Variants in RHOU observed in about 807,000 individuals in gnomAD.
RHOU encodes ras homolog family member U, also known as rho-related GTP-binding protein RhoU.
RHOU carries 8 observed loss-of-function variants against 12.6 expected under a neutral mutation model. The ratio of observed to expected loss-of-function variants is 0.64; its 90% CI spans 0.37 to 1.15. The LOEUF (loss-of-function observed/expected upper bound fraction) is 1.15, where lower values mean the gene tolerates loss of function less well. Among genes scored for constraint, RHOU ranks in the 50% most tolerant of loss-of-function variants. The pLI, the probability that RHOU is intolerant of heterozygous loss-of-function variation, is 0.01. For synonymous variants in RHOU, 161 were observed against 147.4 expected (o/e 1.09, Z -0.67); for missense variants, 258 against 347.0 (o/e 0.74, Z 2.04).
At chr1:228,660,526 A>T in the RHOU span, among the ~76,000 whole-genome samples, 1 of 151,784 alleles carries the variant, frequency 6.6e-6, no homozygotes, top group Non-Finnish European at 1.5e-5. Context: ...ACAAGAAAAA[A>T]CTGTAGAATA....
the RHOU span, among the ~76,000 whole-genome samples, chr1:228,719,727 C>T: frequency 6.6e-6 from 1 of 152,026 alleles, no homozygotes; most frequent in Non-Finnish European, 1.5e-5. Flanking sequence ...ATGACTCTGT[C>T]TTAAAACAAA....
the RHOU span, among the ~76,000 whole-genome samples, chr1:228,703,664 A>C: frequency 2.0e-5 from 3 of 152,212 alleles, no homozygotes; most frequent in African/African-American, 7.2e-5. Flanking sequence ...GATGGAGCTC[A>C]TTAAGAAACA....
the RHOU span, among the ~76,000 whole-genome samples, chr1:228,717,638 C>T: frequency 1.3e-5 from 2 of 152,178 alleles, no homozygotes; most frequent in East Asian, 1.9e-4. Flanking sequence ...TGAGTTATGC[C>T]GGAGGCATGC....
chr1:228,706,780 A>G, the RHOU span, among the ~76,000 whole-genome samples: 1 of 152,130 alleles, frequency 6.6e-6, no homozygotes, highest in East Asian at 1.9e-4. Context: ...AATAATTTGT[A>G]TATGTTAGCA....
At chr1:228,722,312 AG>A in the RHOU span, among the ~76,000 whole-genome samples, 2 of 152,184 alleles carry the variant, frequency 1.3e-5, no homozygotes, top group African/African-American at 2.4e-5. Context: ...TCCTTTAACA[AG>A]GGAGTCCTCA....
chr1:228,647,487 T>A, the RHOU span, among the ~76,000 whole-genome samples: 2 of 152,190 alleles, frequency 1.3e-5, no homozygotes, highest in African/African-American at 4.8e-5. Flanking sequence ...GGCGAAGCAA[T>A]GTCCTTCCTC....
At chr1:228,649,234 A>G in the RHOU span, among the ~76,000 whole-genome samples, 1 of 151,966 alleles carries the variant, frequency 6.6e-6, no homozygotes, top group Non-Finnish European at 1.5e-5. Context: ...ACATTCCTCT[A>G]TAATATGGCA....
Position 228,735,725 on chromosome 1 carries a change from G to C in RHOU, c.-18G>C. On this transcript the variant is annotated 5_prime_UTR_variant, in exon 1 of 3. Coordinates refer to ENST00000366691, the MANE Select transcript of RHOU (RefSeq NM_021205.6). The surrounding 1 kb of genome is among the most constrained non-coding windows in gnomAD (Gnocchi z 8.1). ...GGGCCCTGCTAGCCCGCGACCGCAA[G>C]CCCGCGCTCGCGGATCGATGCCCCC... The C allele has an allele frequency of 8.3e-7, 1 of 1,202,314 alleles. No individual in the cohort carries two copies. The highest frequency in any genetic ancestry group is 1.0e-6 in the Non-Finnish European group (1 of 969,268). 74.5% of individuals were successfully genotyped at this position (1,202,314 alleles called of 1,614,324 possible). A position where few individuals can be genotyped will look rare whatever the true frequency, so the allele number is the denominator to read the frequency against.
the RHOU span, among the ~76,000 whole-genome samples, chr1:228,654,165 A>G: frequency 6.6e-6 from 1 of 151,684 alleles, no homozygotes; most frequent in Non-Finnish European, 1.5e-5. Context: ...GCTGGAGTAC[A>G]GTGGCCCAAT....
At chr1:228,676,212 C>T in the RHOU span, among the ~76,000 whole-genome samples, 1 of 150,848 alleles carries the variant, frequency 6.6e-6, no homozygotes, top group African/African-American at 2.4e-5. Flanking sequence ...CTCAAGCAAT[C>T]CTTTCACCTT....
the RHOU span, among the ~76,000 whole-genome samples, chr1:228,713,178 G>T: frequency 6.6e-6 from 1 of 152,118 alleles, no homozygotes; most frequent in Non-Finnish European, 1.5e-5. Context: ...AGCTTCAGGT[G>T]GGGGCTGGTC....
upstream of RHOU, among the ~76,000 whole-genome samples, chr1:228,733,273 G>A (rs1662528789): frequency 1.3e-5 from 2 of 152,208 alleles, no homozygotes; most frequent in South Asian, 4.1e-4. Flanking sequence ...AGGTTTAGTA[G>A]AGAGAACCAA....
At chr1:228,731,251 A>T (rs960862915), upstream of RHOU, among the ~76,000 whole-genome samples, 30 of 152,216 alleles carry the variant, frequency 2.0e-4, no homozygotes, top group African/African-American at 6.5e-4. Flanking sequence ...ATATATCCAC[A>T]TAAGGGGTCA....
chr1:228,722,400 ACT>A, the RHOU span, among the ~76,000 whole-genome samples: 2 of 151,570 alleles, frequency 1.3e-5, no homozygotes, highest in African/African-American at 4.9e-5. Context: ...TGCTGATGAA[ACT>A]CTGAACTTAC....
chr1:228,740,776 T>C (rs1662704862), intron 2 of RHOU, among the ~76,000 whole-genome samples: 1 of 152,138 alleles, frequency 6.6e-6, no homozygotes, highest in Admixed American at 6.5e-5. Flanking sequence ...GGAGCTGGAG[T>C]GTGGGTTTCC....
At chr1:228,731,962 T>G (rs1197886321), upstream of RHOU, among the ~76,000 whole-genome samples, 1 of 152,214 alleles carries the variant, frequency 6.6e-6, no homozygotes, top group African/African-American at 2.4e-5. Context: ...TTTTTTGTCT[T>G]AAAACTGAGC....
chr1:228,722,287 A>C, the RHOU span, among the ~76,000 whole-genome samples: 2 of 152,126 alleles, frequency 1.3e-5, no homozygotes, highest in African/African-American at 4.8e-5. Flanking sequence ...CTAGCTCTTA[A>C]AATGTCTGTT....
the RHOU span, among the ~76,000 whole-genome samples, chr1:228,693,901 A>C: frequency 6.6e-6 from 1 of 152,258 alleles, no homozygotes; most frequent in East Asian, 1.9e-4. Context: ...TTAAAGCATT[A>C]GAATAATATT....
At chr1:228,736,914 C>A (rs1158020645) in intron 1 of RHOU, among the ~76,000 whole-genome samples, 2 of 151,960 alleles carry the variant, frequency 1.3e-5, no homozygotes, top group African/African-American at 2.4e-5. Context: ...GGGTTCCCAC[C>A]GCAGGGTATT....
Sources: gnomAD v4.1 joint callset for allele counts (sites outside exome capture counted in the v4.1 genomes callset) on GRCh38, gnomAD v4.1.1 for gene constraint, Gnocchi (gnomAD v3.1) non-coding constraint, MANE v1.5 for transcripts, NCBI Gene and HGNC (gene_info 2026-07-23, HGNC 2026-07-21) for gene names.